Variants in FAP observed in about 807,000 individuals in gnomAD.
FAP encodes prolyl endopeptidase FAP.
FAP carries 110 observed loss-of-function variants against 126.5 expected under a neutral mutation model. That is an observed-to-expected ratio of 0.87 (90% confidence interval 0.74 to 1.02). The LOEUF is 1.02. FAP is among the 50% of genes least tolerant of loss of function. The probability of loss-of-function intolerance (pLI) is 0.00; values close to 1 mark genes in which losing one functional copy is unlikely to be tolerated. For missense variants in FAP, 919 were observed against 909.2 expected (o/e 1.01, Z -0.14); for synonymous variants, 334 against 297.3 (o/e 1.12, Z -1.27).
intron 12 of FAP, among the ~76,000 whole-genome samples, chr2:162,206,634 T>C (rs985580031): frequency 2.6e-5 from 4 of 152,232 alleles, no homozygotes; most frequent in Non-Finnish European, 4.4e-5. Context: ...ATGCCTTCAG[T>C]GCTTGTTCTC....
rs771874533 is a variant in FAP at position 162,171,047 on chromosome 2, G to C, written c.2215C>G (p.Leu739Val). The C allele has an allele frequency of 1.2e-6, 2 of 1,613,238 alleles. No individual in the cohort carries two copies. Among genetic ancestry groups the C allele is most frequent in the Non-Finnish European group, 1.7e-6 (2 of 1,179,360 alleles). Residue 739 changes from leucine to valine, a missense_variant, in exon 26 of 26, where the codon CTG becomes GTG. Coordinates refer to ENST00000188790, the MANE Select transcript of FAP (RefSeq NM_004460.5). The stretch of plus-strand genomic sequence containing the variant: ...TGGGTGTATAAGTGGTTCGTGGACA[G>C]GCCGGATAAGCCGTGGTTCTGGTCA... ...YSDQNHGLSG[L>V]STNHLYTHMT...
chr2:162,238,320 A>G (rs2106305633), intron 2 of FAP, among the ~76,000 whole-genome samples: 1 of 152,270 alleles, frequency 6.6e-6, no homozygotes, highest in East Asian at 1.9e-4. Context: ...TCTGGTTTTC[A>G]AGGTATATCT....
At chr2:162,234,959 C>G (rs575549224) in intron 2 of FAP, among the ~76,000 whole-genome samples, 8 of 152,160 alleles carry the variant, frequency 5.3e-5, no homozygotes. Context: ...CCCAGCGGCC[C>G]GGGCAGTGAG....
At chr2:162,236,560 G>C (rs1690139263) in intron 2 of FAP, among the ~76,000 whole-genome samples, 1 of 151,424 alleles carries the variant, frequency 6.6e-6, no homozygotes, top group African/African-American at 2.4e-5. Flanking sequence ...GTATCTTTCT[G>C]TGTGCCTATT....
At chr2:162,208,227 G>A (rs1160450068) in intron 12 of FAP, among the ~76,000 whole-genome samples, 1 of 150,948 alleles carries the variant, frequency 6.6e-6, no homozygotes, top group Non-Finnish European at 1.5e-5. Flanking sequence ...CTGCACTCCA[G>A]CCTGGCAACA....
At chr2:162,215,812 A>G in intron 10 of FAP, 86 bp downstream of exon 10, 2 of 873,654 alleles carry the variant, frequency 2.3e-6, no homozygotes, top group Non-Finnish European at 3.7e-6. Context: ...ACTCTTATCT[A>G]CTTATTTGTT....
chr2:162,236,653 C>A (rs1240508062), intron 2 of FAP, among the ~76,000 whole-genome samples: 1 of 152,076 alleles, frequency 6.6e-6, no homozygotes, highest in Non-Finnish European at 1.5e-5. Flanking sequence ...CTCTGTTGCC[C>A]AGGCTGGAGT....
At chr2:162,240,028 A>G (rs1461911069) in intron 2 of FAP, among the ~76,000 whole-genome samples, 1 of 152,176 alleles carries the variant, frequency 6.6e-6, no homozygotes, top group Non-Finnish European at 1.5e-5. Flanking sequence ...CAAGGAGCTT[A>G]GTTTCCACTC....
intron 12 of FAP, among the ~76,000 whole-genome samples, chr2:162,204,740 C>CA (rs1218069806): frequency 2.0e-5 from 3 of 152,078 alleles, no homozygotes; most frequent in Non-Finnish European, 4.4e-5. Context: ...TGTTTTAAGC[C>CA]ACAAAGTTTG....
intron 4 of FAP, among the ~76,000 whole-genome samples, chr2:162,225,156 A>G (rs919811312): frequency 1.3e-5 from 2 of 152,180 alleles, no homozygotes; most frequent in Non-Finnish European, 2.9e-5. Flanking sequence ...AGATTGCTGT[A>G]GTGAAACCCC....
At chr2:162,237,594 T>A (rs912851287) in intron 2 of FAP, among the ~76,000 whole-genome samples, 5 of 152,264 alleles carry the variant, frequency 3.3e-5, no homozygotes, top group African/African-American at 1.2e-4. Context: ...CTTTATCCAG[T>A]CTATCATTGA....
intron 6 of FAP, among the ~76,000 whole-genome samples, chr2:162,220,662 A>G (rs1238450430): frequency 6.6e-6 from 1 of 152,198 alleles, no homozygotes; most frequent in Non-Finnish European, 1.5e-5. Context: ...GAAATTTCAA[A>G]TAGTCTATTG....
chr2:162,239,380 T>G (rs1053861283), intron 2 of FAP, among the ~76,000 whole-genome samples: 19 of 152,064 alleles, frequency 1.2e-4, no homozygotes, highest in African/African-American at 4.3e-4. Context: ...TCTCCATTCC[T>G]CCACCCTTCA....
intron 20 of FAP, among the ~76,000 whole-genome samples, chr2:162,183,785 A>T (rs2106222101): frequency 6.6e-6 from 1 of 152,286 alleles, no homozygotes; most frequent in Admixed American, 6.5e-5. Flanking sequence ...TAGTGACACA[A>T]GAAGTAGCAG....
At chr2:162,211,583 A>G (rs939350618) in intron 11 of FAP, among the ~76,000 whole-genome samples, 15 of 152,180 alleles carry the variant, frequency 9.9e-5, no homozygotes, top group Admixed American at 5.9e-4. Flanking sequence ...AATTTTAAGA[A>G]CACAGTCTGG....
At chr2:162,242,179 T>A (rs1690380454) in intron 2 of FAP, among the ~76,000 whole-genome samples, 1 of 152,154 alleles carries the variant, frequency 6.6e-6, no homozygotes, top group African/African-American at 2.4e-5. Flanking sequence ...TCATAAATAT[T>A]TTCATAAAAA....
chr2:162,196,895 G>A (rs1688275505), intron 16 of FAP, among the ~76,000 whole-genome samples: 1 of 152,188 alleles, frequency 6.6e-6, no homozygotes, highest in Non-Finnish European at 1.5e-5. Flanking sequence ...TGCCGAGGAA[G>A]AGTGAGTGGT....
At chr2:162,176,988 G>T (rs1318120193) in intron 21 of FAP, among the ~76,000 whole-genome samples, 1 of 152,108 alleles carries the variant, frequency 6.6e-6, no homozygotes, top group Non-Finnish European at 1.5e-5. Flanking sequence ...ACAAAAGAAG[G>T]TGTACTTTAA....
At chr2:162,219,427 C>T (rs1689292089) in intron 7 of FAP, among the ~76,000 whole-genome samples, 1 of 151,998 alleles carries the variant, frequency 6.6e-6, no homozygotes, top group Non-Finnish European at 1.5e-5. Flanking sequence ...TCATTAACCC[C>T]AAATAAATAA....
Sources: gnomAD v4.1 joint callset for allele counts (sites outside exome capture counted in the v4.1 genomes callset) on GRCh38, gnomAD v4.1.1 for gene constraint, MANE v1.5 for transcripts, NCBI Gene and HGNC (gene_info 2026-07-23, HGNC 2026-07-21) for gene names.